Variants in KLRG1 observed in about 807,000 individuals in gnomAD.
KLRG1 encodes the protein killer cell lectin-like receptor subfamily G member 1.
A neutral mutation model predicts 21.8 loss-of-function variants in KLRG1; 16 were observed. The ratio of observed to expected loss-of-function variants is 0.73; its 90% CI spans 0.50 to 1.11. The LOEUF (loss-of-function observed/expected upper bound fraction) is 1.11. KLRG1 is among the 50% of genes most tolerant of loss of function. The pLI is 0.00. For missense variants in KLRG1, 173 were observed against 218.3 expected, an observed-to-expected ratio of 0.79 and a Z score of 1.31; for synonymous variants, 69 against 75.9, an observed-to-expected ratio of 0.91 and a Z score of 0.47.
the KLRG1 span, chr12:9,110,195 G>T: frequency 8.9e-7 from 1 of 1,124,152 alleles, no homozygotes; most frequent in Non-Finnish European, 1.3e-6. Context: ...CTCTATGGGA[G>T]TTTGAAGGCT....
At chr12:8,973,541 A>G (rs1946606868) in intron 1 of KLRG1, among the ~76,000 whole-genome samples, 1 of 152,234 alleles carries the variant, frequency 6.6e-6, no homozygotes, top group South Asian at 2.1e-4. Flanking sequence ...TTCATCAGAC[A>G]TTGAACCTGT....
the KLRG1 span, among the ~76,000 whole-genome samples, chr12:9,132,602 C>A: frequency 6.6e-6 from 1 of 152,104 alleles, no homozygotes; most frequent in Non-Finnish European, 1.5e-5. Context: ...GCAGGAAGAC[C>A]ATTCAGGGGG....
At chr12:9,161,500 A>T in the KLRG1 span, among the ~76,000 whole-genome samples, 1 of 152,108 alleles carries the variant, frequency 6.6e-6, no homozygotes, top group Non-Finnish European at 1.5e-5. Context: ...TCCTCTTCTC[A>T]TTTAACTATA....
intron 3 of KLRG1, among the ~76,000 whole-genome samples, chr12:9,002,786 C>T (rs1947343516): frequency 6.6e-6 from 1 of 151,866 alleles, no homozygotes; most frequent in Non-Finnish European, 1.5e-5. Context: ...AGGCTGGTCT[C>T]GAACTCCTGG....
chr12:8,992,443 G>T, intron 2 of KLRG1, 133 bp downstream of exon 2: 3 of 592,434 alleles, frequency 5.1e-6, no homozygotes, highest in South Asian at 2.4e-5. Context: ...CTATTTCCTG[G>T]GTATAGCCTT....
At chr12:9,018,572 A>G in the KLRG1 span, among the ~76,000 whole-genome samples, 1 of 152,038 alleles carries the variant, frequency 6.6e-6, no homozygotes, top group Non-Finnish European at 1.5e-5. Flanking sequence ...CTGGATATTC[A>G]TATGCAGAAG....
intron 3 of KLRG1, 38 bp from the exon 4 acceptor site, chr12:9,008,937 C>T (rs752328348): frequency 1.2e-5 from 16 of 1,325,006 alleles, no homozygotes; most frequent in Non-Finnish European, 1.7e-5. Context: ...TTGACTGTGA[C>T]ACTAGGTCCC....
chr12:9,145,798 A>T, the KLRG1 span, among the ~76,000 whole-genome samples: 1 of 152,160 alleles, frequency 6.6e-6, no homozygotes, highest in Non-Finnish European at 1.5e-5. Context: ...TTTTTGATGG[A>T]CAGGTTTCCC....
At chr12:9,135,170 A>G in the KLRG1 span, 11 of 224,438 alleles carry the variant, frequency 4.9e-5, 1 homozygote, top group South Asian at 7.6e-4. Flanking sequence ...CGAACGGGCA[A>G]CAGCTGCAGA....
chr12:9,014,684 A>G (rs1226476363), downstream of KLRG1, among the ~76,000 whole-genome samples: 1 of 152,174 alleles, frequency 6.6e-6, no homozygotes, highest in South Asian at 2.1e-4. Flanking sequence ...ACTCACTGGT[A>G]ATAGTAAGTA....
chr12:9,156,872 T>C, the KLRG1 span, among the ~76,000 whole-genome samples: 2 of 152,088 alleles, frequency 1.3e-5, no homozygotes, highest in African/African-American at 4.8e-5. Flanking sequence ...GCTCTCACCT[T>C]TTTTTGCACA....
chr12:9,166,937 A>G, the KLRG1 span: 1 of 152,230 alleles, frequency 6.6e-6, no homozygotes. Context: ...CCCTCCATGT[A>G]TCCCATCTGA....
chr12:9,155,112 G>A, the KLRG1 span, among the ~76,000 whole-genome samples: 1 of 152,210 alleles, frequency 6.6e-6, no homozygotes, highest in Non-Finnish European at 1.5e-5. Flanking sequence ...ACTGATGAAA[G>A]AGAAAAGTGG....
At chr12:8,974,174 G>GTTT (rs34490439) in intron 1 of KLRG1, among the ~76,000 whole-genome samples, 3 of 145,442 alleles carry the variant, frequency 2.1e-5, no homozygotes, top group Admixed American at 6.8e-5. Context: ...TGTTTGTTTT[G>GTTT]TTTTTTTTTT....
the KLRG1 span, among the ~76,000 whole-genome samples, chr12:9,044,101 A>T: frequency 1.3e-5 from 2 of 152,228 alleles, no homozygotes; most frequent in African/African-American, 4.8e-5. Context: ...AGCAAATTAG[A>T]TTTTGGGGTG....
At chr12:9,030,411 T>G in the KLRG1 span, among the ~76,000 whole-genome samples, 1 of 152,156 alleles carries the variant, frequency 6.6e-6, no homozygotes, top group South Asian at 2.1e-4. Flanking sequence ...AGGAACCATT[T>G]TTTTTTTCTT....
chr12:9,202,587 A>G, the KLRG1 span: 2 of 1,614,164 alleles, frequency 1.2e-6, no homozygotes, highest in Admixed American at 3.3e-5. Context: ...TTGGGTGTTC[A>G]GTACCAGAAC....
the KLRG1 span, among the ~76,000 whole-genome samples, chr12:9,124,123 A>G: frequency 2.6e-5 from 4 of 152,226 alleles, no homozygotes; most frequent in Non-Finnish European, 5.9e-5. Context: ...ACTTGTCTCT[A>G]ATCCTAGTGT....
At chr12:9,077,878 C>T in the KLRG1 span, 2 of 1,613,816 alleles carry the variant, frequency 1.2e-6, no homozygotes, top group African/African-American at 2.7e-5. Context: ...AGGAAGCAAT[C>T]ATGATGTTTA....
Sources: gnomAD v4.1 joint callset for allele counts (sites outside exome capture counted in the v4.1 genomes callset) on GRCh38, gnomAD v4.1.1 for gene constraint, MANE v1.5 for transcripts, NCBI Gene and HGNC (gene_info 2026-07-23, HGNC 2026-07-21) for gene names.